Variants in PHF21A observed in about 807,000 individuals in gnomAD.
PHF21A encodes the protein BHC80a.
PHF21A carries 11 observed loss-of-function variants against 82.5 expected under a neutral mutation model. The ratio of observed to expected loss-of-function variants is 0.13; its 90% CI spans 0.08 to 0.22. PHF21A has a LOEUF of 0.22. PHF21A is among the 10% of genes least tolerant of loss of function. The pLI is 1.00. For missense variants in PHF21A, 579 were observed against 837.8 expected, an observed-to-expected ratio of 0.69 and a Z score of 3.81; for synonymous variants, 297 against 302.8, an observed-to-expected ratio of 0.98 and a Z score of 0.20.
At chr11:46,084,915 C>T (rs2096838567) in intron 3 of PHF21A, among the ~76,000 whole-genome samples, 1 of 152,032 alleles carries the variant, frequency 6.6e-6, no homozygotes, top group African/African-American at 2.4e-5. Flanking sequence ...CTCCTGACCT[C>T]GTGATCCACC....
intron 6 of PHF21A, among the ~76,000 whole-genome samples, chr11:45,983,252 G>T (rs1410534945): frequency 6.6e-6 from 1 of 152,020 alleles, no homozygotes; most frequent in Non-Finnish European, 1.5e-5. Context: ...GGGGGCTGGT[G>T]GGGGGACATG....
chr11:46,076,502 C>T (rs1022261491), intron 6 of PHF21A, among the ~76,000 whole-genome samples: 2 of 152,160 alleles, frequency 1.3e-5, no homozygotes, highest in African/African-American at 4.8e-5. Context: ...GTTTAATTAA[C>T]ACAGTTAACG....
intron 6 of PHF21A, among the ~76,000 whole-genome samples, chr11:46,069,348 A>G (rs1233344122): frequency 6.6e-6 from 1 of 152,248 alleles, no homozygotes; most frequent in Non-Finnish European, 1.5e-5. Flanking sequence ...GAACTAGACT[A>G]AATCTTAGGA....
intron 2 of PHF21A, among the ~76,000 whole-genome samples, chr11:46,091,679 G>C (rs1020749171): frequency 2.0e-5 from 3 of 152,100 alleles, no homozygotes; most frequent in Non-Finnish European, 4.4e-5. Context: ...CCATCAAATA[G>C]AACAGCATAT....
intron 6 of PHF21A, among the ~76,000 whole-genome samples, chr11:45,982,325 A>T (rs1387009093): frequency 1.3e-5 from 2 of 151,982 alleles, no homozygotes; most frequent in African/African-American, 4.8e-5. Context: ...TATAAAGGCC[A>T]ATTTTGGGGG....
At chr11:46,026,017 T>C (rs756309278) in intron 6 of PHF21A, among the ~76,000 whole-genome samples, 6 of 152,206 alleles carry the variant, frequency 3.9e-5, no homozygotes. Context: ...GTCCCAAGAA[T>C]GTCCTTTAAG....
At chr11:46,037,034 A>G (rs1484469322) in intron 6 of PHF21A, among the ~76,000 whole-genome samples, 1 of 152,094 alleles carries the variant, frequency 6.6e-6, no homozygotes, top group African/African-American at 2.4e-5. Context: ...TTCTTGCCCT[A>G]TGTTATTGTA....
At chr11:45,957,549 A>C (rs2092730049) in intron 10 of PHF21A, among the ~76,000 whole-genome samples, 1 of 152,256 alleles carries the variant, frequency 6.6e-6, no homozygotes, top group South Asian at 2.1e-4. Context: ...GGGTAAAAGA[A>C]GAAATCACTA....
intron 6 of PHF21A, among the ~76,000 whole-genome samples, chr11:46,050,652 G>C (rs1215053202): frequency 1.3e-5 from 2 of 152,160 alleles, no homozygotes; most frequent in South Asian, 2.1e-4. Context: ...ATGTTCAAGA[G>C]CATAGTCCAA....
At chr11:45,935,316 C>A (rs563361093) in intron 18 of PHF21A, 18 of 1,196,458 alleles carry the variant, frequency 1.5e-5, no homozygotes, top group Non-Finnish European at 1.8e-5. Context: ...ACACTCCCCC[C>A]ACACACTGTC....
At chr11:45,966,908 C>T (rs1421364813) in intron 9 of PHF21A, among the ~76,000 whole-genome samples, 1 of 152,138 alleles carries the variant, frequency 6.6e-6, no homozygotes, top group Non-Finnish European at 1.5e-5. Context: ...TGAGCCACTG[C>T]ACCCAGCCAT....
Position 45,965,605 on chromosome 11 carries a change from G to C in PHF21A, c.706C>G (p.Arg236Gly). 5 of 1,535,612 alleles carry C rather than the reference G, an allele frequency of 3.3e-6. No homozygotes were observed. The highest frequency in any genetic ancestry group is 4.4e-6 in the Non-Finnish European group (5 of 1,141,124). ...TTATTCTGGGCCACAGGCTTGGGTCGAACCTATAGGGGAAAGAGAGAATAA... is the reference window on the plus strand; with the variant it reads ...TTATTCTGGGCCACAGGCTTGGGTCCAACCTATAGGGGAAAGAGAGAATAA... ...TPRPNFLPQVRPKPVAQNNIP... is the reference protein window; with the variant it reads ...TPRPNFLPQVGPKPVAQNNIP... Residue 236 changes from arginine to glycine, a missense_variant, in exon 10 of 19, where the codon CGA becomes GGA. This residue lies in a region of PHF21A where 410 missense variants were observed against 642.1 expected (regional missense o/e 0.64). Transcript: ENST00000676320.
intron 2 of PHF21A, among the ~76,000 whole-genome samples, chr11:46,091,567 T>C (rs1014468303): frequency 1.3e-5 from 2 of 152,100 alleles, no homozygotes; most frequent in Non-Finnish European, 2.9e-5. Context: ...AGCTAACTAA[T>C]CCAATATTAA....
chr11:46,021,045 C>T (rs2095619392), intron 6 of PHF21A, among the ~76,000 whole-genome samples: 1 of 150,614 alleles, frequency 6.6e-6, no homozygotes, highest in Non-Finnish European at 1.5e-5. Context: ...TGGAAGGGAC[C>T]ATTAGATAGA....
rs572762941 is a variant in PHF21A at position 46,030,385 on chromosome 11, C to T, written c.153+46369G>A. On this transcript the variant is annotated intron_variant, in intron 6 of 18. Coordinates refer to ENST00000676320, the MANE Select transcript of PHF21A (RefSeq NM_001352027.3). ...TCTTTTATTCTTACCAAATGATTTG[C>T]CCAGGTTTTCATCATTTGTCTTCTA... Among the ~76,000 whole-genome samples the T allele has an allele frequency of 7.2e-5, 11 of 152,262 alleles. No homozygotes were observed. In the South Asian group the frequency reaches 2.1e-3, roughly 29 times the overall value.
chr11:46,108,318 T>A (rs2097174043), intron 1 of PHF21A, among the ~76,000 whole-genome samples: 1 of 152,030 alleles, frequency 6.6e-6, no homozygotes, highest in Non-Finnish European at 1.5e-5. Flanking sequence ...CATTTTAAAC[T>A]GATTTTTTTT....
At chr11:45,977,727 G>C (rs931367738) in intron 7 of PHF21A, among the ~76,000 whole-genome samples, 3 of 152,126 alleles carry the variant, frequency 2.0e-5, no homozygotes, top group African/African-American at 7.2e-5. Context: ...GTGGTGATTA[G>C]GGTAAAAATT....
chr11:46,015,015 A>T lies in PHF21A; in HGVS notation c.154-35049T>A, dbSNP rs189597803. Among the ~76,000 whole-genome samples the T allele has an allele frequency of 3.9e-4, 58 of 150,538 alleles. 14 individuals carry two copies. The highest frequency in any genetic ancestry group is 3.4e-3 in the Middle Eastern group (1 of 292). On this transcript the variant is annotated intron_variant, in intron 6 of 18. Transcript: ENST00000676320. ...AAAAATAAAAATAAAAAAATAAAAA[A>T]AAATAAAAAAATAAAAAATAGTTAT...
chr11:46,025,578 A>G (rs2095724864), intron 6 of PHF21A, among the ~76,000 whole-genome samples: 1 of 152,192 alleles, frequency 6.6e-6, no homozygotes, highest in South Asian at 2.1e-4. Flanking sequence ...GAAAATTCCA[A>G]TTTGATTATG....
Sources: gnomAD v4.1 joint callset for allele counts (sites outside exome capture counted in the v4.1 genomes callset) on GRCh38, gnomAD v4.1.1 for gene constraint, gnomAD v4.1.1 regional missense constraint, MANE v1.5 for transcripts, NCBI Gene and HGNC (gene_info 2026-07-23, HGNC 2026-07-21) for gene names.